ACAT1: variants seen among roughly 807,000 people sequenced by gnomAD.
ACAT1 encodes the protein acetyl-CoA acetyltransferase, mitochondrial.
ACAT1 carries 28 observed loss-of-function variants against 47.3 expected under a neutral mutation model. The observed-to-expected ratio is 0.59, with a 90% confidence interval of 0.44 to 0.81. The LOEUF is 0.81. ACAT1 is among the 30% of genes least tolerant of loss of function. The probability of loss-of-function intolerance (pLI) is 0.00; values close to 1 mark genes in which losing one functional copy is unlikely to be tolerated. For missense variants in ACAT1, 469 were observed against 524.3 expected (o/e 0.89, Z 1.03); for synonymous variants, 181 against 173.6 (o/e 1.04, Z -0.34).
At chr11:108,136,051 T>A (rs1399013378) in intron 5 of ACAT1, 5 of 653,120 alleles carry the variant, frequency 7.7e-6, no homozygotes, top group Non-Finnish European at 1.1e-5. Context: ...TGCTGATCTA[T>A]ATCTTGTCTT....
Position 108,143,969 on chromosome 11 carries a change from C to CGGTGTG in ACAT1, c.941-14_941-13insGGTGTG. On this transcript the variant is annotated splice_polypyrimidine_tract_variant and intron_variant, in intron 9 of 11. Coordinates refer to ENST00000265838, the MANE Select transcript of ACAT1 (RefSeq NM_000019.4). ...AAAGATTTTAACAACCCCCCCCCCC[C>CGGTGTG]TTTTTTTAAACAGCATTTGCTGACG... 1 of 685,214 alleles carries CGGTGTG rather than the reference C, an allele frequency of 1.5e-6. No individual in the cohort carries two copies. The highest frequency in any genetic ancestry group is 2.3e-6 in the Non-Finnish European group (1 of 444,288). 42.4% of individuals were successfully genotyped at this position (685,214 alleles called of 1,614,324 possible).
chr11:108,143,965 C>G lies in ACAT1; in HGVS notation c.941-18C>G, dbSNP rs1254901206. On this transcript the variant is annotated intron_variant, in intron 9 of 11. Transcript: ENST00000265838. The stretch of plus-strand genomic sequence containing the variant: ...AAAAAAAGATTTTAACAACCCCCCC[C>G]CCCCTTTTTTTAAACAGCATTTGCT... 2.6e-6 allele frequency: 3 copies of G among 1,156,820 alleles called. No individual in the cohort carries two copies. The highest frequency in any genetic ancestry group is 3.7e-6 in the Non-Finnish European group (3 of 808,884). The allele number at this position is 1,156,820 out of a possible 1,614,324, so 71.7% of individuals were successfully genotyped here.
chr11:108,141,369 CAAAAAAAAA>C (rs60002941), intron 7 of ACAT1, among the ~76,000 whole-genome samples: 4 of 69,324 alleles, frequency 5.8e-5, no homozygotes, highest in East Asian at 6.2e-4. Context: ...AACCCTGCCT[CAAAAAAAAA>C]AAAAAAAAAA....
At chr11:108,143,278 T>G (rs2077629072) in intron 9 of ACAT1, 1 of 152,152 alleles carries the variant, frequency 6.6e-6, no homozygotes, top group African/African-American at 2.4e-5. Context: ...ATCTTGTCTC[T>G]TTTTCTTTTT....
chr11:108,144,915 A>C (rs1009021512), intron 10 of ACAT1, among the ~76,000 whole-genome samples: 6 of 152,226 alleles, frequency 3.9e-5, no homozygotes, highest in African/African-American at 1.4e-4. Context: ...AGCTACAGAC[A>C]TAGCTATATA....
chr11:108,133,524 A>T (rs2077402668), intron 2 of ACAT1, among the ~76,000 whole-genome samples: 1 of 152,178 alleles, frequency 6.6e-6, no homozygotes, highest in African/African-American at 2.4e-5. Flanking sequence ...AACAAGGTAC[A>T]GTGATCATTT....
chr11:108,131,211 T>C (rs1267768127), intron 1 of ACAT1, among the ~76,000 whole-genome samples: 1 of 152,090 alleles, frequency 6.6e-6, no homozygotes, highest in East Asian at 1.9e-4. Flanking sequence ...TTGTTGGAAG[T>C]GGATAGGGAG....
intron 10 of ACAT1, 38 bp downstream of exon 10, chr11:108,144,085 G>A (rs1399628598): frequency 1.9e-6 from 3 of 1,583,656 alleles, no homozygotes; most frequent in Non-Finnish European, 2.6e-6. Context: ...CATTATGCTA[G>A]CTTCTGGTTT....
intron 5 of ACAT1, chr11:108,138,668 A>T: frequency 2.0e-6 from 1 of 511,960 alleles, no homozygotes; most frequent in Non-Finnish European, 3.6e-6. Flanking sequence ...AAGTGCTGGG[A>T]TTACAGGTGT....
intron 7 of ACAT1, among the ~76,000 whole-genome samples, chr11:108,140,637 G>A (rs990874268): frequency 2.0e-5 from 3 of 152,164 alleles, no homozygotes; most frequent in South Asian, 4.1e-4. Context: ...AGGCTTTTGT[G>A]CTTTATTCTC....
intron 9 of ACAT1, 61 bp from the exon 10 acceptor site, chr11:108,143,922 A>G: frequency 1.3e-6 from 2 of 1,584,348 alleles, no homozygotes; most frequent in South Asian, 2.2e-5. Flanking sequence ...TGGCTTGTGC[A>G]TATTCTATAC....
upstream of ACAT1, among the ~76,000 whole-genome samples, chr11:108,119,946 T>C (rs1219671919): frequency 6.6e-6 from 1 of 152,200 alleles, no homozygotes; most frequent in Non-Finnish European, 1.5e-5. Context: ...CCGCGTGCAG[T>C]GGCTCACGCC....
chr11:108,121,569 T>G lies in ACAT1; in HGVS notation c.-38T>G. On this transcript the variant is annotated 5_prime_UTR_variant, in exon 1 of 12. Transcript: ENST00000265838. ...GCGGGGTTGGGGAGGAGGCCGCTAGTCTACGCCTGTGGAGCCGATACTCAG... is the reference window on the plus strand; with the variant it reads ...GCGGGGTTGGGGAGGAGGCCGCTAGGCTACGCCTGTGGAGCCGATACTCAG... 3 of 1,547,024 alleles carry G rather than the reference T, an allele frequency of 1.9e-6. No homozygotes were observed. The highest frequency in any genetic ancestry group is 2.6e-6 in the Non-Finnish European group (3 of 1,144,228).
At chr11:108,135,089 C>A in intron 4 of ACAT1, 53 bp from the exon 5 acceptor site, 1 of 1,237,760 alleles carries the variant, frequency 8.1e-7, no homozygotes, top group Non-Finnish European at 1.2e-6. Flanking sequence ...CTATTAAGTT[C>A]TGCAGTTGTG....
chr11:108,133,808 G>A lies in ACAT1; in HGVS notation c.121-12G>A, dbSNP rs1401761046. The A allele has an allele frequency of 3.1e-6, 5 of 1,600,886 alleles. No homozygotes were observed. Among genetic ancestry groups the A allele is most frequent in the Admixed American group, 1.7e-5 (1 of 59,970 alleles). ...AAATACCTATAATTTTTACCATCTTGTGTCTTGCCAGGAAGTGGTCATAGT... is the reference window on the plus strand; with the variant it reads ...AAATACCTATAATTTTTACCATCTTATGTCTTGCCAGGAAGTGGTCATAGT... On this transcript the variant is annotated splice_polypyrimidine_tract_variant and intron_variant, in intron 2 of 11. Transcript: ENST00000265838.
chr11:108,146,066 A>G, intron 10 of ACAT1, 136 bp from the exon 11 acceptor site: 1 of 833,436 alleles, frequency 1.2e-6, no homozygotes, highest in Non-Finnish European at 1.9e-6. Context: ...ATCTGAAAAT[A>G]GAGATCCTTC....
rs72431625 is a variant in ACAT1 at position 108,139,811 on chromosome 11, CCCCCATGCCCG to C, written c.580-253_580-243del. On this transcript the variant is annotated intron_variant, in intron 6 of 11. Coordinates refer to ENST00000265838, the MANE Select transcript of ACAT1 (RefSeq NM_000019.4). ...GAGTAGCTGGGACTACAGGCACGTG[CCCCCATGCCCG>C]GCTAATTTTTAGTAGAGACGGGGTT... Among the ~76,000 whole-genome samples, 25,096 of 151,878 alleles carry C rather than the reference CCCCCATGCCCG, an allele frequency of 0.17. 2,149 individuals are homozygous for C. Among genetic ancestry groups the C allele is most frequent in the African/African-American group, 0.2 (8,132 of 41,434 alleles).
chr11:108,139,187 T>C, intron 6 of ACAT1, 146 bp downstream of exon 6: 1 of 1,052,274 alleles, frequency 9.5e-7, no homozygotes, highest in Admixed American at 2.0e-5. Flanking sequence ...TATTTTTGTA[T>C]GCCTATTGCA....
chr11:108,131,982 T>G (rs1447352809), intron 2 of ACAT1, 28 bp downstream of exon 2: 1 of 1,422,078 alleles, frequency 7.0e-7, no homozygotes, highest in Non-Finnish European at 9.9e-7. Context: ...TGCTTTAAAA[T>G]TTCCAGAATT....
Sources: allele counts gnomAD v4.1 joint callset (sites outside exome capture counted in the v4.1 genomes callset), GRCh38; gene constraint gnomAD v4.1.1; transcripts MANE v1.5; gene names NCBI Gene and HGNC (gene_info 2026-07-23, HGNC 2026-07-21).